NRDE2: variants seen among roughly 807,000 people sequenced by gnomAD.
The protein encoded by NRDE2 is NRDE-2, necessary for RNA interference, domain containing, also known as nuclear exosome regulator NRDE2.
In NRDE2, 76 loss-of-function variants were observed where a neutral mutation model predicts 124.2. That is an observed-to-expected ratio of 0.61 (90% CI 0.51 to 0.74). NRDE2 has a LOEUF of 0.74. Ranked by LOEUF, NRDE2 falls within the 30% of genes least tolerant of loss-of-function variation. The pLI is 0.00. For missense variants in NRDE2, 1,314 were observed against 1,417.3 expected (o/e 0.93, Z 1.17); for synonymous variants, 489 against 528.1 (o/e 0.93, Z 1.01).
chr14:90,309,363 T>C (rs906291619), intron 4 of NRDE2, among the ~76,000 whole-genome samples: 3 of 151,072 alleles, frequency 2.0e-5, no homozygotes, highest in African/African-American at 7.3e-5. Context: ...GTCCCAGCTA[T>C]TTAGGAGACT....
At chr14:90,301,806 G>A in intron 6 of NRDE2, 1 of 456,154 alleles carries the variant, frequency 2.2e-6, no homozygotes, top group South Asian at 1.5e-5. Flanking sequence ...AGAGTCGGCT[G>A]TAAACAAATC....
intron 12 of NRDE2, among the ~76,000 whole-genome samples, chr14:90,282,153 G>GA (rs1342712717): frequency 6.6e-6 from 1 of 152,098 alleles, no homozygotes; most frequent in African/African-American, 2.4e-5. Flanking sequence ...TAAGTATCTT[G>GA]AAAAAACTGC....
Position 90,268,027 on chromosome 14 carries a change from C to T in NRDE2, c.*10309G>A, listed in dbSNP as rs1386595040. 4.0e-6 allele frequency: 2 copies of T among 499,396 alleles called. No individual in the cohort carries two copies. The highest frequency in any genetic ancestry group is 6.4e-5 in the East Asian group (2 of 31,020). The allele number at this position is 499,396 out of a possible 1,614,324, so 30.9% of individuals were successfully genotyped here. A position where few individuals can be genotyped will look rare whatever the true frequency, so the allele number is the denominator to read the frequency against. On this transcript the variant is annotated 3_prime_UTR_variant, in exon 14 of 14. Transcript: ENST00000354366. ...GCAAAATAGCTAAGGATAATCCAAA[C>T]ATGTTAGTAGATTTTTCTAAATGTC...
At chr14:90,326,215 C>T (rs1294883574) in intron 1 of NRDE2, among the ~76,000 whole-genome samples, 1 of 152,104 alleles carries the variant, frequency 6.6e-6, no homozygotes, top group African/African-American at 2.4e-5. Flanking sequence ...GAGAGGGAGG[C>T]CGGGCGCGGT....
At chr14:90,282,783 T>G (rs1393302581) in intron 12 of NRDE2, among the ~76,000 whole-genome samples, 1 of 152,138 alleles carries the variant, frequency 6.6e-6, no homozygotes, top group Non-Finnish European at 1.5e-5. Flanking sequence ...TTCTCCTGCC[T>G]TAGCCTCCCG....
chr14:90,269,389 T>C lies in NRDE2; in HGVS notation c.*8947A>G. On this transcript the variant is annotated 3_prime_UTR_variant, in exon 14 of 14. Coordinates refer to ENST00000354366, the MANE Select transcript of NRDE2 (RefSeq NM_017970.4). ...GTCTTCATTCCTTCCCTTTTTTTTT[T>C]TCCAAAGATATGACTCCAATTCTGG... is the stretch of plus-strand genomic sequence containing the variant. The C allele has an allele frequency of 6.3e-7, 1 of 1,597,396 alleles. No homozygotes were observed. The highest frequency in any genetic ancestry group is 8.5e-7 in the Non-Finnish European group (1 of 1,174,730).
chr14:90,317,585 A>G (rs547253529), intron 2 of NRDE2: 2 of 153,766 alleles, frequency 1.3e-5, no homozygotes, highest in African/African-American at 4.8e-5. Context: ...AAATTCTTTC[A>G]CAGCTGAGGA....
intron 8 of NRDE2, among the ~76,000 whole-genome samples, chr14:90,293,210 C>T (rs1892321729): frequency 1.3e-5 from 2 of 152,030 alleles, no homozygotes; most frequent in South Asian, 2.1e-4. Context: ...CCACATGTGA[C>T]TCACTGGGCA....
rs1743029197 is a variant in NRDE2, at chr14:90,273,216, A to AT, written c.*5119dup. 6.6e-6 allele frequency: 1 copy of AT among 150,570 alleles called. No homozygotes were observed. The highest frequency in any genetic ancestry group is 6.6e-5 in the Admixed American group (1 of 15,050). The allele number at this position is 150,570 out of a possible 1,614,324, so 9.3% of individuals were successfully genotyped here. A position where few individuals can be genotyped will look rare whatever the true frequency, so the allele number is the denominator to read the frequency against. ...GGCCCACACTGAATGAGGAGTGTGT[A>AT]TTAGTTTTCTGTTAATACTATAACA... On this transcript the variant is annotated 3_prime_UTR_variant, in exon 14 of 14. Transcript: ENST00000354366.
chr14:90,299,326 G>A (rs1181121784), intron 7 of NRDE2, among the ~76,000 whole-genome samples: 1 of 152,062 alleles, frequency 6.6e-6, no homozygotes, highest in Non-Finnish European at 1.5e-5. Context: ...GGGATTACAA[G>A]CCTAAACCAC....
At position 90,276,751 on chromosome 14, in the gene NRDE2, C is replaced by G. The variant is rs1223369751; in HGVS notation, c.*1585G>C. On this transcript the variant is annotated 3_prime_UTR_variant, in exon 14 of 14. Transcript: ENST00000354366. ...TGGGGTTTGGAGGGAACCAGCTGAT[C>G]AGAGGCCACGCCCTTCTAAGTTCTG... 6.6e-6 allele frequency: 1 copy of G among 152,184 alleles called. No individual in the cohort carries two copies. Among genetic ancestry groups the G allele is most frequent in the East Asian group, 1.9e-4 (1 of 5,164 alleles). 9.4% of individuals were successfully genotyped at this position (152,184 alleles called of 1,614,324 possible). A position where few individuals can be genotyped will look rare whatever the true frequency, so the allele number is the denominator to read the frequency against.
chr14:90,316,057 CT>C (rs1403244331), intron 3 of NRDE2, among the ~76,000 whole-genome samples: 1 of 151,400 alleles, frequency 6.6e-6, no homozygotes, highest in African/African-American at 2.4e-5. Context: ...CTGTTTTCCA[CT>C]GCCTTCGACA....
At chr14:90,285,074 T>A (rs1892062892) in intron 12 of NRDE2, among the ~76,000 whole-genome samples, 1 of 151,946 alleles carries the variant, frequency 6.6e-6, no homozygotes, top group Non-Finnish European at 1.5e-5. Context: ...AGGTCAGGAT[T>A]TCGAGACCAG....
At chr14:90,318,143 G>T in intron 1 of NRDE2, 30 bp from the exon 2 acceptor site, 1 of 1,530,020 alleles carries the variant, frequency 6.5e-7, no homozygotes, top group African/African-American at 1.4e-5. Flanking sequence ...AAAGATCAAT[G>T]AAATTAGTTC....
intron 1 of NRDE2, among the ~76,000 whole-genome samples, chr14:90,330,669 C>T (rs1193870722): frequency 1.3e-5 from 2 of 151,928 alleles, no homozygotes; most frequent in Non-Finnish European, 2.9e-5. Context: ...AAAAATTAGC[C>T]AGGCCTGGTG....
chr14:90,320,258 G>T (rs760147019), intron 1 of NRDE2, among the ~76,000 whole-genome samples: 2 of 152,184 alleles, frequency 1.3e-5, no homozygotes, highest in Non-Finnish European at 2.9e-5. Context: ...CACATAGCTG[G>T]GGAGGCCTCA....
At chr14:90,328,985 T>C (rs948087504) in intron 1 of NRDE2, among the ~76,000 whole-genome samples, 1 of 152,262 alleles carries the variant, frequency 6.6e-6, no homozygotes, top group Non-Finnish European at 1.5e-5. Flanking sequence ...GAACACTGAC[T>C]GGTAAGTGAA....
rs753075381 is a variant in NRDE2 at position 90,279,105 on chromosome 14, T to C, written c.3326A>G (p.Lys1109Arg). 51 of 1,612,538 alleles carry C rather than the reference T, an allele frequency of 3.2e-5. No individual in the cohort carries two copies. The highest frequency in any genetic ancestry group is 4.2e-5 in the Non-Finnish European group (49 of 1,178,574). ...CTGAAGTGCTTTGTAGAATACACCT[T>C]TGCTTCTTTCTTTATTTCCTAAGGA... The part of the protein sequence containing the change: ...LVSLGNKERS[K>R]GVFYKALQNC... Residue 1109 changes from lysine to arginine, a missense_variant, in exon 13 of 14, where the codon AAA becomes AGA. Physicochemically the swap from Lys to Arg is conservative, Grantham distance 26. Transcript: ENST00000354366.
At chr14:90,297,035 A>G (rs1227086356) in intron 8 of NRDE2, among the ~76,000 whole-genome samples, 1 of 151,692 alleles carries the variant, frequency 6.6e-6, no homozygotes, top group Non-Finnish European at 1.5e-5. Context: ...GCTACTTGGG[A>G]GGCTGAGGCA....
Sources: allele counts gnomAD v4.1 joint callset (sites outside exome capture counted in the v4.1 genomes callset), GRCh38; gene constraint gnomAD v4.1.1; transcripts MANE v1.5; gene names NCBI Gene and HGNC (gene_info 2026-07-23, HGNC 2026-07-21).